PRR5L: variants seen among roughly 807,000 people sequenced by gnomAD.
PRR5L encodes proline-rich protein 5-like.
PRR5L carries 21 observed loss-of-function variants against 36.4 expected under a neutral mutation model. The observed-to-expected ratio is 0.58, with a 90% CI of 0.41 to 0.83. The LOEUF is 0.83. PRR5L is among the 40% of genes least tolerant of loss of function. The pLI, the probability that PRR5L is intolerant of heterozygous loss-of-function variation, is 0.00. For synonymous variants in PRR5L, 188 were observed against 197.0 expected (o/e 0.95, Z 0.38); for missense variants, 381 against 473.3 (o/e 0.80, Z 1.81).
chr11:36,439,721 C>A (rs1158906695), intron 6 of PRR5L, among the ~76,000 whole-genome samples: 3 of 152,192 alleles, frequency 2.0e-5, no homozygotes, highest in Non-Finnish European at 4.4e-5. Context: ...CTGAAAAAGG[C>A]AAACTGTGCC....
At chr11:36,310,995 CAAAAAAAA>C (rs59947428) in intron 1 of PRR5L, among the ~76,000 whole-genome samples, 1 of 88,432 alleles carries the variant, frequency 1.1e-5, no homozygotes, top group African/African-American at 4.9e-5. Flanking sequence ...ACTCCGTCTC[CAAAAAAAA>C]AAAAAAAAAA....
chr11:36,432,162 TGTTTTG>T (rs1858512562), intron 5 of PRR5L, among the ~76,000 whole-genome samples: 4 of 8,778 alleles, frequency 4.6e-4, no homozygotes, highest in African/African-American at 5.9e-4. Flanking sequence ...GGTTTTTTTT[TGTTTTG>T]TTTTTGTTTT....
At chr11:36,330,219 G>A (rs1856704976) in intron 1 of PRR5L, among the ~76,000 whole-genome samples, 2 of 152,158 alleles carry the variant, frequency 1.3e-5, no homozygotes, top group South Asian at 4.1e-4. Flanking sequence ...CTAAATTGCT[G>A]TAAGTATAGA....
chr11:36,444,685 C>A (rs1290776004), intron 6 of PRR5L, among the ~76,000 whole-genome samples: 1 of 152,190 alleles, frequency 6.6e-6, no homozygotes, highest in Admixed American at 6.5e-5. Flanking sequence ...GTCTTTCCTT[C>A]CCACCAGAAT....
intron 8 of PRR5L, among the ~76,000 whole-genome samples, chr11:36,452,638 C>T (rs770819576): frequency 3.9e-5 from 6 of 152,108 alleles, no homozygotes; most frequent in Non-Finnish European, 8.8e-5. Context: ...CATGTTGCTG[C>T]GGTCTCCCTG....
chr11:36,399,681 G>A (rs1204741449), intron 1 of PRR5L, among the ~76,000 whole-genome samples: 8 of 152,186 alleles, frequency 5.3e-5, no homozygotes, highest in African/African-American at 1.9e-4. Context: ...CTACTAAACC[G>A]TCAAGTAAAA....
intron 6 of PRR5L, among the ~76,000 whole-genome samples, chr11:36,445,738 G>T (rs1336785451): frequency 2.0e-5 from 3 of 152,156 alleles, no homozygotes; most frequent in Non-Finnish European, 2.9e-5. Flanking sequence ...CTAGCACATA[G>T]AATTTAATAC....
At chr11:36,296,982 G>A (rs1856318109) in intron 1 of PRR5L, among the ~76,000 whole-genome samples, 1 of 152,186 alleles carries the variant, frequency 6.6e-6, no homozygotes, top group East Asian at 1.9e-4. Context: ...GAGAGGCAAT[G>A]ATATATGATG....
At chr11:36,363,288 C>G (rs16928708) in intron 1 of PRR5L, among the ~76,000 whole-genome samples, 1,610 of 152,342 alleles carry the variant, frequency 0.011, 33 homozygotes, top group African/African-American at 0.037. Flanking sequence ...TGTTAACTTA[C>G]ATTCATGACA....
At chr11:36,430,393 C>T (rs1858469438) in intron 4 of PRR5L, among the ~76,000 whole-genome samples, 1 of 152,182 alleles carries the variant, frequency 6.6e-6, no homozygotes, top group Non-Finnish European at 1.5e-5. Flanking sequence ...GCCTGGGTGA[C>T]AGATCAAGAC....
chr11:36,305,305 A>G (rs988521675), intron 1 of PRR5L, among the ~76,000 whole-genome samples: 1 of 152,230 alleles, frequency 6.6e-6, no homozygotes, highest in Non-Finnish European at 1.5e-5. Context: ...TTCCATTTAT[A>G]TGAAAGGTCC....
chr11:36,376,369 G>GGAA (rs1857261105), intron 1 of PRR5L: 1 of 1,159,774 alleles, frequency 8.6e-7, no homozygotes, highest in African/African-American at 1.6e-5. Flanking sequence ...AGGAGGAGGA[G>GGAA]GAGGAGGCGG....
chr11:36,297,950 G>A (rs1219476818), intron 1 of PRR5L, among the ~76,000 whole-genome samples: 1 of 152,238 alleles, frequency 6.6e-6, no homozygotes, highest in Admixed American at 6.5e-5. Flanking sequence ...CTTGGTTAAT[G>A]CTGTGGCAAG....
At chr11:36,428,386 A>G (rs1055578311) in intron 4 of PRR5L, among the ~76,000 whole-genome samples, 1 of 152,222 alleles carries the variant, frequency 6.6e-6, no homozygotes, top group African/African-American at 2.4e-5. Context: ...TTCAGAGTAC[A>G]AGGGCCTTAA....
At chr11:36,352,552 G>A (rs1202469531) in intron 1 of PRR5L, among the ~76,000 whole-genome samples, 1 of 152,126 alleles carries the variant, frequency 6.6e-6, no homozygotes, top group Non-Finnish European at 1.5e-5. Context: ...TGAGCCCAGG[G>A]AGGTTAAACA....
rs1857276593 is a variant in PRR5L, at chr11:36,377,047, C to A, written c.-125-23950C>A. On this transcript the variant is annotated intron_variant, in intron 1 of 8. Transcript: ENST00000530639. The surrounding 1 kb of genome is among the most constrained non-coding windows in gnomAD (Gnocchi z 5.1). ...GGTGATCATGGGACCTAGGCTGAGC[C>A]GGGAGGTCGAAAAAGAAAGTCGGCT... Among the ~76,000 whole-genome samples, 1 of 152,076 alleles carries A rather than the reference C, an allele frequency of 6.6e-6. No individual in the cohort carries two copies. The highest frequency in any genetic ancestry group is 2.4e-5 in the African/African-American group (1 of 41,422).
chr11:36,366,412 GT>G (rs1214584578), intron 1 of PRR5L, among the ~76,000 whole-genome samples: 2 of 139,436 alleles, frequency 1.4e-5, no homozygotes, highest in Non-Finnish European at 3.3e-5. Context: ...GTGTGTGTGT[GT>G]GAGAGAGAGA....
chr11:36,403,127 G>A (rs1486706677), intron 2 of PRR5L, among the ~76,000 whole-genome samples, 171 bp from the exon 3 acceptor site: 1 of 152,184 alleles, frequency 6.6e-6, no homozygotes, highest in Admixed American at 6.5e-5. Context: ...TTTCGCCTTT[G>A]GTCTTCCTTT....
At chr11:36,305,468 G>A (rs1490882938) in intron 1 of PRR5L, among the ~76,000 whole-genome samples, 4 of 152,134 alleles carry the variant, frequency 2.6e-5, no homozygotes, top group Admixed American at 6.5e-5. Flanking sequence ...TGTGGTGATG[G>A]TTGTACCTAT....
Sources: gnomAD v4.1 joint callset for allele counts (sites outside exome capture counted in the v4.1 genomes callset) on GRCh38, gnomAD v4.1.1 for gene constraint, Gnocchi (gnomAD v3.1) non-coding constraint, MANE v1.5 for transcripts, NCBI Gene and HGNC (gene_info 2026-07-23, HGNC 2026-07-21) for gene names.